The following XIRP2 variants were observed in gnomAD, a reference collection of about 807,000 sequenced individuals.
XIRP2 encodes the protein xin actin binding repeat containing 2.
In XIRP2, 236 loss-of-function variants were observed where a neutral mutation model predicts 277.0. The ratio of observed to expected loss-of-function variants is 0.85; its 90% CI spans 0.77 to 0.95. XIRP2 has a LOEUF of 0.95. XIRP2 is among the 40% of genes least tolerant of loss of function. XIRP2 has a pLI of 0.00. For missense variants in XIRP2, 4,640 were observed against 4,157.5 expected (o/e 1.12, Z -3.19); for synonymous variants, 1,490 against 1,416.5 (o/e 1.05, Z -1.17).
chr2:167,212,076 A>C (rs1041336905), intron 4 of XIRP2, among the ~76,000 whole-genome samples: 32 of 152,334 alleles, frequency 2.1e-4, no homozygotes, highest in African/African-American at 7.2e-4. Context: ...TGCCAAACTC[A>C]TTTAAAAAAT....
chr2:167,058,829 G>C (rs1350188281), intron 2 of XIRP2, among the ~76,000 whole-genome samples: 1 of 152,182 alleles, frequency 6.6e-6, no homozygotes, highest in Non-Finnish European at 1.5e-5. Flanking sequence ...CAACAGGTGT[G>C]ACTTGTGGGA....
intron 2 of XIRP2, among the ~76,000 whole-genome samples, chr2:167,083,923 AC>A (rs1356702291): frequency 1.3e-5 from 2 of 151,172 alleles, no homozygotes; most frequent in Non-Finnish European, 3.0e-5. Context: ...CTAATTGAAT[AC>A]CCTTTATTTC....
chr2:167,249,570 C>A lies in XIRP2; in HGVS notation c.8178C>A (p.Asp2726Glu). 6.2e-7 allele frequency: 1 copy of A among 1,613,580 alleles called. No individual in the cohort carries two copies. Among genetic ancestry groups the A allele is most frequent in the East Asian group, 2.2e-5 (1 of 44,824 alleles). Residue 2726 changes from aspartate (D) to glutamate (E), a missense_variant, in exon 9 of 11, where the codon GAC becomes GAA. Coordinates refer to ENST00000409195, the MANE Select transcript of XIRP2 (RefSeq NM_152381.6). ...PTLDHTLNETDHSYESHKQQS... is the reference protein window; with the variant it reads ...PTLDHTLNETEHSYESHKQQS... ...TAGATCATACATTAAATGAAACAGA[C>A]CACAGCTATGAAAGTCATAAACAGC...
chr2:167,201,265 A>AGAAAGGAAAGAAGGAAG (rs1693704335), intron 3 of XIRP2, among the ~76,000 whole-genome samples: 3 of 103,286 alleles, frequency 2.9e-5, no homozygotes, highest in African/African-American at 1.3e-4. Context: ...AAAGAAAGAG[A>AGAAAGGAAAGAAGGAAG]GAGGGAGAAA....
chr2:167,126,867 T>C (rs1691221422), intron 2 of XIRP2, among the ~76,000 whole-genome samples: 1 of 152,220 alleles, frequency 6.6e-6, no homozygotes, highest in Non-Finnish European at 1.5e-5. Flanking sequence ...CCCATAGGGT[T>C]GAAATGAAAA....
rs753842915 is a variant in XIRP2, at chr2:167,243,003, AG to A, written c.1612del (p.Asp538MetfsTer20). The A allele has an allele frequency of 6.8e-6, 11 of 1,614,058 alleles. No homozygotes were observed. The highest frequency in any genetic ancestry group is 9.3e-6 in the Non-Finnish European group (11 of 1,179,964). ...TGAACTCAGGGAGTTCAGTCTCAGC[AG>A]ATGTGCAACAAGCCCGGTATGTTTT... is the stretch of plus-strand genomic sequence containing the variant. ...QMNSGSSVSA[D>X]VQQARYVFEN... On this transcript the variant is annotated frameshift_variant, in exon 9 of 11. Coordinates refer to ENST00000409195, the MANE Select transcript of XIRP2 (RefSeq NM_152381.6). LOFTEE classifies it high-confidence loss of function.
intron 2 of XIRP2, among the ~76,000 whole-genome samples, chr2:167,001,206 T>G (rs1687359239): frequency 6.6e-6 from 1 of 152,042 alleles, no homozygotes; most frequent in Admixed American, 6.6e-5. Context: ...GATAAATAAC[T>G]CTAACACCAA....
chr2:166,932,702 CT>C (rs1470599368), intron 2 of XIRP2, among the ~76,000 whole-genome samples: 3 of 151,950 alleles, frequency 2.0e-5, no homozygotes, highest in Non-Finnish European at 4.4e-5. Context: ...TCAATTTAAA[CT>C]TTTTGTGTGT....
intron 2 of XIRP2, among the ~76,000 whole-genome samples, chr2:167,056,882 G>A (rs1360446421): frequency 1.3e-5 from 2 of 152,072 alleles, no homozygotes; most frequent in African/African-American, 4.8e-5. Context: ...TAATAAGGAA[G>A]GTGGAATTGG....
chr2:167,125,934 G>A (rs565378893), intron 2 of XIRP2, among the ~76,000 whole-genome samples: 1 of 152,268 alleles, frequency 6.6e-6, no homozygotes, highest in South Asian at 2.1e-4. Context: ...TCCATGATAG[G>A]ACTGAACATC....
At chr2:166,986,488 T>A (rs1380655229) in intron 2 of XIRP2, among the ~76,000 whole-genome samples, 1 of 152,224 alleles carries the variant, frequency 6.6e-6, no homozygotes, top group Non-Finnish European at 1.5e-5. Flanking sequence ...GCCGCATAGC[T>A]ATGATAGTTA....
chr2:167,030,095 C>G (rs914759577), intron 2 of XIRP2, among the ~76,000 whole-genome samples: 2 of 151,622 alleles, frequency 1.3e-5, no homozygotes, highest in African/African-American at 4.8e-5. Context: ...CTATTTGATT[C>G]TTCCCTCTTT....
chr2:167,140,977 A>G (rs1363877863), intron 3 of XIRP2: 1 of 152,108 alleles, frequency 6.6e-6, no homozygotes, highest in South Asian at 2.1e-4. Flanking sequence ...TGTGTAATGA[A>G]AGGTCTATTC....
At chr2:167,199,325 A>G (rs138707545) in intron 3 of XIRP2, among the ~76,000 whole-genome samples, 3 of 152,332 alleles carry the variant, frequency 2.0e-5, no homozygotes, top group African/African-American at 7.2e-5. Context: ...CTTAAAGATA[A>G]GCCTGCCAGG....
At chr2:167,132,499 T>C (rs1691406088) in intron 2 of XIRP2, among the ~76,000 whole-genome samples, 1 of 148,346 alleles carries the variant, frequency 6.7e-6, no homozygotes, top group Non-Finnish European at 1.5e-5. Flanking sequence ...TTATGTCATG[T>C]GTGCATGTGT....
chr2:167,148,626 A>G (rs531707471), intron 3 of XIRP2, among the ~76,000 whole-genome samples: 390 of 152,104 alleles, frequency 2.6e-3, no homozygotes, highest in Admixed American at 5.0e-3. Context: ...AAATGTCCCA[A>G]CTCTTCAGTG....
intron 5 of XIRP2, among the ~76,000 whole-genome samples, chr2:167,232,254 A>G (rs989015370): frequency 1.3e-5 from 2 of 152,030 alleles, no homozygotes; most frequent in African/African-American, 4.8e-5. Context: ...TTCACTAGGT[A>G]TGAGTTCATG....
At chr2:167,202,290 A>G (rs1290736948) in intron 3 of XIRP2, among the ~76,000 whole-genome samples, 1 of 152,160 alleles carries the variant, frequency 6.6e-6, no homozygotes, top group African/African-American at 2.4e-5. Flanking sequence ...TAAGAGCAGT[A>G]TGATTAGATT....
intron 2 of XIRP2, among the ~76,000 whole-genome samples, chr2:167,076,915 T>C (rs1689587863): frequency 6.6e-6 from 1 of 152,144 alleles, no homozygotes; most frequent in Non-Finnish European, 1.5e-5. Context: ...CACTGCAAAC[T>C]CTGCCACCAG....
Sources: allele counts gnomAD v4.1 joint callset (sites outside exome capture counted in the v4.1 genomes callset), GRCh38; gene constraint gnomAD v4.1.1; transcripts MANE v1.5; gene names NCBI Gene and HGNC (gene_info 2026-07-23, HGNC 2026-07-21).